The following TULP3 variants were observed in gnomAD, a reference collection of about 807,000 sequenced individuals.
TULP3 encodes tubby-related protein 3.
A neutral mutation model predicts 50.7 loss-of-function variants in TULP3; 38 were observed. The observed-to-expected ratio is 0.75, with a 90% CI of 0.58 to 0.98. The LOEUF (loss-of-function observed/expected upper bound fraction) is 0.98. Among genes scored for constraint, TULP3 ranks in the 50% least tolerant of loss-of-function variants. The pLI is 0.00. For synonymous variants in TULP3, 183 were observed against 196.6 expected (o/e 0.93, Z 0.58); for missense variants, 550 against 568.0 (o/e 0.97, Z 0.32).
At chr12:2,897,922 T>TA (rs974591478) in intron 1 of TULP3, among the ~76,000 whole-genome samples, 1 of 151,050 alleles carries the variant, frequency 6.6e-6, no homozygotes. Context: ...CTACTAAAAA[T>TA]ACAAAATTAG....
At chr12:2,906,021 A>T (rs1471632606) in intron 1 of TULP3, among the ~76,000 whole-genome samples, 3 of 86,028 alleles carry the variant, frequency 3.5e-5, no homozygotes, top group South Asian at 3.1e-4. Flanking sequence ...GACCCTGTGT[A>T]AAAAAAAAAA....
In TULP3 at chr12:2,940,338, AG is replaced by A. The variant is rs1189321859; in HGVS notation, c.*896del. 9.4e-6 allele frequency: 13 copies of A among 1,380,856 alleles called. No homozygotes were observed. Among genetic ancestry groups the A allele is most frequent in the South Asian group, 2.9e-5 (2 of 68,008 alleles). The allele number at this position is 1,380,856 out of a possible 1,614,324, so 85.5% of individuals were successfully genotyped here. On this transcript the variant is annotated 3_prime_UTR_variant, in exon 11 of 11. Transcript: ENST00000448120. ...AGTTTAGTTAAAAAAAAAAAAAAAA[AG>A]GTGGCAGGAGAGGCTTTGGGGAGGA...
intron 1 of TULP3, among the ~76,000 whole-genome samples, chr12:2,901,438 G>A (rs2098179236): frequency 6.6e-6 from 1 of 151,580 alleles, no homozygotes; most frequent in Non-Finnish European, 1.5e-5. Context: ...CTGGAGTGCA[G>A]TGGCGTGATC....
At chr12:2,924,658 G>A (rs1025659665) in intron 4 of TULP3, among the ~76,000 whole-genome samples, 4 of 151,524 alleles carry the variant, frequency 2.6e-5, no homozygotes, top group African/African-American at 9.7e-5. Flanking sequence ...TCCAGCCTGG[G>A]TGACAGAATG....
At chr12:2,916,848 G>T (rs1438600144) in intron 2 of TULP3, among the ~76,000 whole-genome samples, 1 of 152,198 alleles carries the variant, frequency 6.6e-6, no homozygotes, top group African/African-American at 2.4e-5. Flanking sequence ...CAATACTGAG[G>T]TATAGTAGCT....
At chr12:2,936,441 A>G in intron 8 of TULP3, among the ~76,000 whole-genome samples, 1 of 151,492 alleles carries the variant, frequency 6.6e-6, no homozygotes, top group East Asian at 2.0e-4. Context: ...CAGTTATCTC[A>G]AATCACATTT....
intron 4 of TULP3, among the ~76,000 whole-genome samples, chr12:2,925,948 A>G (rs2098194444): frequency 6.6e-6 from 1 of 152,126 alleles, no homozygotes; most frequent in South Asian, 2.1e-4. Context: ...TCATGTCTCA[A>G]CAGGTTGCAT....
chr12:2,911,598 C>T (rs930473365), intron 2 of TULP3, among the ~76,000 whole-genome samples: 1 of 147,440 alleles, frequency 6.8e-6, no homozygotes, highest in Admixed American at 7.1e-5. Context: ...AACTCCTGAC[C>T]TCATGATCCG....
At chr12:2,937,451 A>C (rs1277818184) in intron 8 of TULP3, among the ~76,000 whole-genome samples, 180 bp from the exon 9 acceptor site, 1 of 151,760 alleles carries the variant, frequency 6.6e-6, no homozygotes, top group Non-Finnish European at 1.5e-5. Flanking sequence ...TCCTGACCTC[A>C]GGTTATCTGC....
intron 1 of TULP3, among the ~76,000 whole-genome samples, chr12:2,893,999 A>C (rs2098173880): frequency 6.6e-6 from 1 of 151,924 alleles, no homozygotes; most frequent in Non-Finnish European, 1.5e-5. Flanking sequence ...TTGAAACAAC[A>C]CTCAGGACCT....
chr12:2,894,855 C>T (rs2098174564), intron 1 of TULP3, among the ~76,000 whole-genome samples: 1 of 152,100 alleles, frequency 6.6e-6, no homozygotes, highest in South Asian at 2.1e-4. Flanking sequence ...GATCACACCA[C>T]TGCACTCCAG....
chr12:2,920,406 G>A (rs773905922), intron 2 of TULP3, among the ~76,000 whole-genome samples: 5 of 152,078 alleles, frequency 3.3e-5, no homozygotes, highest in Non-Finnish European at 7.4e-5. Flanking sequence ...CTCTTCAGGA[G>A]GCTGAGGCAG....
intron 7 of TULP3, 84 bp from the exon 8 acceptor site, chr12:2,934,363 G>C (rs988419762): frequency 3.7e-6 from 3 of 818,434 alleles, no homozygotes. Flanking sequence ...CAGGCAAATA[G>C]GCTTCCATTT....
intron 1 of TULP3, among the ~76,000 whole-genome samples, chr12:2,897,934 C>T (rs2098176506): frequency 6.6e-6 from 1 of 151,544 alleles, no homozygotes; most frequent in East Asian, 1.9e-4. Context: ...CAAAATTAGC[C>T]AGGTGTGGTG....
intron 7 of TULP3, 138 bp from the exon 8 acceptor site, chr12:2,934,309 A>G (rs2098199836): frequency 5.4e-6 from 3 of 552,456 alleles, no homozygotes; most frequent in Non-Finnish European, 9.7e-6. Context: ...CTTTAATGAG[A>G]TATTTTTGAA....
chr12:2,927,553 C>T lies in TULP3; in HGVS notation c.395-2695C>T, dbSNP rs112774021. Among the ~76,000 whole-genome samples the T allele has an allele frequency of 5.6e-3, 844 of 151,882 alleles. 13 individuals carry two copies. Among genetic ancestry groups the T allele is most frequent in the Non-Finnish European group, 5.0e-3 (338 of 67,958 alleles). On this transcript the variant is annotated intron_variant, in intron 4 of 10. Coordinates refer to ENST00000448120, the MANE Select transcript of TULP3 (RefSeq NM_003324.5). ...CATTTTTAGTAGAGATAGGGTTTCA[C>T]CTTATTGGCCAGGCTGATCTCGAAT... is the stretch of plus-strand genomic sequence containing the variant.
chr12:2,903,886 C>T (rs780958635), intron 1 of TULP3, among the ~76,000 whole-genome samples: 2 of 152,034 alleles, frequency 1.3e-5, no homozygotes, highest in East Asian at 2.0e-4. Context: ...CGGGTTCAAG[C>T]GATTCTGTAG....
In TULP3 at chr12:2,938,188, C is replaced by A. The variant is rs139852478; in HGVS notation, c.1098C>A (p.Pro366=). The A allele has an allele frequency of 1.2e-6, 2 of 1,614,178 alleles. No individual in the cohort carries two copies. The highest frequency in any genetic ancestry group is 1.7e-5 in the Admixed American group (1 of 60,012). The part of the protein sequence containing the change: ...ENLVELHNKA[P]VWNSDTQSYV... ...TGGTTGAGCTGCACAACAAGGCCCC[C>A]GTCTGGAACAGTGACACTCAGTCCT... is the stretch of plus-strand genomic sequence containing the variant. The change falls in exon 10 of 11, where the codon CCC becomes CCA. Residue 366 remains proline (P), a synonymous_variant. Transcript: ENST00000448120.
chr12:2,920,690 A>G (rs1185175157), intron 2 of TULP3, 73 bp from the exon 3 acceptor site: 1 of 1,556,194 alleles, frequency 6.4e-7, no homozygotes, highest in Admixed American at 2.0e-5. Flanking sequence ...GTGAAAAACA[A>G]ACTGGGCATG....
Sources: allele counts gnomAD v4.1 joint callset (sites outside exome capture counted in the v4.1 genomes callset), GRCh38; gene constraint gnomAD v4.1.1; transcripts MANE v1.5; gene names NCBI Gene and HGNC (gene_info 2026-07-23, HGNC 2026-07-21).